STK38L: variants seen among roughly 807,000 people sequenced by gnomAD.
STK38L encodes the protein serine/threonine kinase 38 like, also known as serine/threonine-protein kinase 38-like.
A neutral mutation model predicts 59.7 loss-of-function variants in STK38L; 28 were observed. That is an observed-to-expected ratio of 0.47 (90% confidence interval 0.35 to 0.64). The LOEUF (loss-of-function observed/expected upper bound fraction) is 0.64, where lower values mean the gene tolerates loss of function less well. Among genes scored for constraint, STK38L ranks in the 30% least tolerant of loss-of-function variants. The pLI is 0.01. For synonymous variants in STK38L, 162 were observed against 176.8 expected, an observed-to-expected ratio of 0.92 and a Z score of 0.66; for missense variants, 314 against 555.8, an observed-to-expected ratio of 0.56 and a Z score of 4.37.
chr12:27,290,763 G>A lies in STK38L; in HGVS notation c.-11-6947G>A, dbSNP rs1253027902. Among the ~76,000 whole-genome samples, 7 of 152,180 alleles carry A rather than the reference G, an allele frequency of 4.6e-5. No individual in the cohort carries two copies. In the East Asian group the frequency reaches 9.6e-4, roughly 21 times the overall value. On this transcript the variant is annotated intron_variant, in intron 1 of 13. Coordinates refer to ENST00000389032, the MANE Select transcript of STK38L (RefSeq NM_015000.4). ...GTGGGATGTTGTATTGTAAGGGGCCGGCTGCAGCTCTGCTCCAGCTGTCAT... is the reference window on the plus strand; with the variant it reads ...GTGGGATGTTGTATTGTAAGGGGCCAGCTGCAGCTCTGCTCCAGCTGTCAT...
intron 2 of STK38L, among the ~76,000 whole-genome samples, chr12:27,299,746 TAG>T (rs1944117645): frequency 1.3e-5 from 2 of 150,906 alleles, no homozygotes. Flanking sequence ...ATGATAAAAA[TAG>T]AGTTTGTAAT....
chr12:27,313,068 G>A (rs530269745), intron 6 of STK38L, among the ~76,000 whole-genome samples: 58 of 152,094 alleles, frequency 3.8e-4, no homozygotes, highest in African/African-American at 1.4e-3. Flanking sequence ...CTAACAAGGT[G>A]AAACCCCGTC....
At chr12:27,296,195 G>C (rs1466414988) in intron 1 of STK38L, among the ~76,000 whole-genome samples, 1 of 152,162 alleles carries the variant, frequency 6.6e-6, no homozygotes, top group Non-Finnish European at 1.5e-5. Flanking sequence ...TAAAGTTCCT[G>C]ATATATAACC....
rs1400216243 is a variant in STK38L at position 27,258,490 on chromosome 12, A to G, written c.-12+14158A>G. On this transcript the variant is annotated intron_variant, in intron 1 of 13. Transcript: ENST00000389032. Reference sequence around the variant, plus strand: ...ATTACAGGCCCCTGCCTCCATGCCCAGCTAATTTTTGTATTTTTAGTAGAG... The same window carrying G: ...ATTACAGGCCCCTGCCTCCATGCCCGGCTAATTTTTGTATTTTTAGTAGAG... Among the ~76,000 whole-genome samples, 3 of 151,970 alleles carry G rather than the reference A, an allele frequency of 2.0e-5. No homozygotes were observed. The East Asian group carries it at 5.9e-4, about 30-fold the overall frequency.
chr12:27,280,630 G>A (rs1247330715), intron 1 of STK38L, among the ~76,000 whole-genome samples: 1 of 152,146 alleles, frequency 6.6e-6, no homozygotes, highest in African/African-American at 2.4e-5. Flanking sequence ...TCTTCGCCAG[G>A]ATGACATGGT....
chr12:27,251,704 T>C (rs187422464), intron 1 of STK38L, among the ~76,000 whole-genome samples: 3 of 152,374 alleles, frequency 2.0e-5, no homozygotes, highest in Admixed American at 2.0e-4. Context: ...TAGGAGTGGG[T>C]AAATATCATT....
chr12:27,315,326 T>C lies in STK38L; in HGVS notation c.813T>C (p.Thr271=), dbSNP rs1409462338. 2 of 1,613,780 alleles carry C rather than the reference T, an allele frequency of 1.2e-6. No individual in the cohort carries two copies. Among genetic ancestry groups the C allele is most frequent in the South Asian group, 2.2e-5 (2 of 91,044 alleles). Residue 271 remains threonine (T), a synonymous_variant, in exon 9 of 14, where the codon ACT becomes ACC. Transcript: ENST00000389032. ...TGAACTCAAAGAGGAAAGCAGAAAC[T>C]TGGAAGAAGAACAGGAGACAACTGG... ...QNMNSKRKAE[T]WKKNRRQLAY...
intron 1 of STK38L, among the ~76,000 whole-genome samples, chr12:27,262,954 A>G (rs1447813577): frequency 6.6e-6 from 1 of 151,932 alleles, no homozygotes; most frequent in Non-Finnish European, 1.5e-5. Flanking sequence ...GTGCACCACC[A>G]TGCCTGGCTA....
At chr12:27,284,361 G>C (rs971893670) in intron 1 of STK38L, among the ~76,000 whole-genome samples, 1 of 152,078 alleles carries the variant, frequency 6.6e-6, no homozygotes, top group African/African-American at 2.4e-5. Context: ...ATGTCTTTGG[G>C]CCTCACTTCC....
intron 5 of STK38L, 34 bp downstream of exon 5, chr12:27,309,231 G>A: frequency 6.7e-7 from 1 of 1,482,994 alleles, no homozygotes; most frequent in South Asian, 1.2e-5. Context: ...ATATAAAGGA[G>A]CATCCACTGA....
At chr12:27,306,785 C>G (rs1944327538) in intron 3 of STK38L, among the ~76,000 whole-genome samples, 2 of 143,456 alleles carry the variant, frequency 1.4e-5, no homozygotes, top group Admixed American at 1.5e-4. Context: ...GTCTTGTCAC[C>G]CAGGCTGGAG....
chr12:27,259,082 G>T (rs935641579), intron 1 of STK38L, among the ~76,000 whole-genome samples: 1 of 152,168 alleles, frequency 6.6e-6, no homozygotes, highest in Non-Finnish European at 1.5e-5. Flanking sequence ...GGCAAGACTT[G>T]TTCTTCCTGA....
chr12:27,267,529 C>T (rs139097001), intron 1 of STK38L, among the ~76,000 whole-genome samples: 40 of 152,296 alleles, frequency 2.6e-4, no homozygotes, highest in African/African-American at 9.1e-4. Flanking sequence ...ACCTCAGCCT[C>T]GTGTTCTAGT....
intron 3 of STK38L, among the ~76,000 whole-genome samples, chr12:27,303,573 T>C (rs1591920750): frequency 6.6e-6 from 1 of 152,276 alleles, no homozygotes; most frequent in African/African-American, 2.4e-5. Context: ...AATAAACAAA[T>C]AATGGCTTTT....
At chr12:27,286,475 T>C (rs1943775725) in intron 1 of STK38L, among the ~76,000 whole-genome samples, 1 of 152,246 alleles carries the variant, frequency 6.6e-6, no homozygotes, top group Non-Finnish European at 1.5e-5. Flanking sequence ...AATAGAACTT[T>C]GTATCCTGCT....
Position 27,308,432 on chromosome 12 carries a change from A to T in STK38L, c.280A>T (p.Lys94Ter). Residue 94 changes from lysine (K) to a stop codon, truncating the protein, a stop_gained, in exon 4 of 14, where the codon AAA (lysine) becomes TAA (stop). Coordinates refer to ENST00000389032, the MANE Select transcript of STK38L (RefSeq NM_015000.4). LOFTEE classifies it high-confidence loss of function. The surrounding 1 kb of genome is among the most constrained non-coding windows in gnomAD (Gnocchi z 4.5). ...RLGLDDFESLKVIGRGAFGEV... is the reference protein window; with the variant it reads ...RLGLDDFESL ...TGGCTTGGATGACTTTGAGTCTCTG[A>T]AAGTTATAGGAAGAGGAGCTTTTGG... The T allele has an allele frequency of 6.3e-7, 1 of 1,596,930 alleles. No individual in the cohort carries two copies. Among genetic ancestry groups the T allele is most frequent in the Non-Finnish European group, 8.5e-7 (1 of 1,170,290 alleles).
chr12:27,282,303 T>A (rs185166394), intron 1 of STK38L, among the ~76,000 whole-genome samples: 1 of 152,342 alleles, frequency 6.6e-6, no homozygotes, highest in Non-Finnish European at 1.5e-5. Context: ...TTCTGTTGTA[T>A]AAGTAGAAAT....
At chr12:27,249,758 T>G (rs1022880726) in intron 1 of STK38L, among the ~76,000 whole-genome samples, 4 of 152,220 alleles carry the variant, frequency 2.6e-5, no homozygotes, top group African/African-American at 9.6e-5. Flanking sequence ...CTGTTTTCCT[T>G]GCCTTTTGCT....
At chr12:27,320,723 T>G (rs1944707641) in intron 12 of STK38L, among the ~76,000 whole-genome samples, 1 of 151,924 alleles carries the variant, frequency 6.6e-6, no homozygotes, top group Non-Finnish European at 1.5e-5. Context: ...GTCTTACAAG[T>G]GAGGAAACTA....
Sources: allele counts gnomAD v4.1 joint callset (sites outside exome capture counted in the v4.1 genomes callset), GRCh38; gene constraint gnomAD v4.1.1; non-coding constraint Gnocchi (gnomAD v3.1); transcripts MANE v1.5; gene names NCBI Gene and HGNC (gene_info 2026-07-23, HGNC 2026-07-21).